The following KIF26B variants were observed in gnomAD, a reference collection of about 807,000 sequenced individuals.
The protein encoded by KIF26B is kinesin family member 26B.
KIF26B carries 63 observed loss-of-function variants against 151.2 expected under a neutral mutation model. That is an observed-to-expected ratio of 0.42 (90% CI 0.34 to 0.51). KIF26B has a LOEUF of 0.51. Among genes scored for constraint, KIF26B ranks in the 20% least tolerant of loss-of-function variants. The pLI, the probability that KIF26B is intolerant of heterozygous loss-of-function variation, is 0.07. For synonymous variants in KIF26B, 1,357 were observed against 1,262.1 expected (o/e 1.08, Z -1.59); for missense variants, 2,813 against 2,913.6 (o/e 0.97, Z 0.79).
intron 5 of KIF26B, among the ~76,000 whole-genome samples, chr1:245,553,207 T>C (rs947320911): frequency 6.6e-6 from 1 of 152,248 alleles, no homozygotes; most frequent in Non-Finnish European, 1.5e-5. Context: ...TGGAGGAAGC[T>C]GGACCGGATC....
chr1:245,580,427 A>G (rs559354134), intron 5 of KIF26B, among the ~76,000 whole-genome samples: 2 of 152,394 alleles, frequency 1.3e-5, no homozygotes, highest in African/African-American at 4.8e-5. Context: ...TTAGAAAAGT[A>G]TGGATGGAGT....
intron 6 of KIF26B, among the ~76,000 whole-genome samples, chr1:245,603,598 G>A (rs1298815956): frequency 6.6e-6 from 1 of 152,166 alleles, no homozygotes; most frequent in Non-Finnish European, 1.5e-5. Context: ...CACTGGTGTA[G>A]AATAGCCTTG....
intron 2 of KIF26B, among the ~76,000 whole-genome samples, chr1:245,349,979 T>A (rs1038938925): frequency 1.1e-4 from 17 of 152,214 alleles, no homozygotes; most frequent in Admixed American, 1.3e-4. Flanking sequence ...GAGCAGTTTT[T>A]AAAATCTTGT....
chr1:245,631,183 G>A (rs1245691266), intron 9 of KIF26B, among the ~76,000 whole-genome samples: 4 of 152,106 alleles, frequency 2.6e-5, no homozygotes, highest in Admixed American at 2.6e-4. Flanking sequence ...TGGTGGAAGT[G>A]GGCATCCTTG....
At chr1:245,290,602 G>T (rs925494641) in intron 2 of KIF26B, among the ~76,000 whole-genome samples, 8 of 152,152 alleles carry the variant, frequency 5.3e-5, no homozygotes, top group African/African-American at 1.9e-4. Flanking sequence ...GGTCACTCTC[G>T]TGGCCATCTT....
At chr1:245,400,800 T>C (rs1460634211) in intron 3 of KIF26B, among the ~76,000 whole-genome samples, 2 of 152,174 alleles carry the variant, frequency 1.3e-5, no homozygotes, top group East Asian at 3.8e-4. Flanking sequence ...AATTTTTTGA[T>C]GTGGCTACTA....
chr1:245,345,750 T>C (rs1672441057), intron 2 of KIF26B, among the ~76,000 whole-genome samples: 1 of 152,032 alleles, frequency 6.6e-6, no homozygotes, highest in African/African-American at 2.4e-5. Context: ...TCTTTCTTGC[T>C]CCTGCTTTCA....
At chr1:245,429,684 G>A (rs1658732996) in intron 4 of KIF26B, among the ~76,000 whole-genome samples, 1 of 152,136 alleles carries the variant, frequency 6.6e-6, no homozygotes, top group African/African-American at 2.4e-5. Context: ...CACAATCTCG[G>A]CTCACTGCAA....
intron 4 of KIF26B, among the ~76,000 whole-genome samples, chr1:245,440,816 C>G (rs1280453939): frequency 1.3e-5 from 2 of 152,224 alleles, no homozygotes; most frequent in East Asian, 3.8e-4. Context: ...GGGCGAGGAT[C>G]TAGAAGCCCC....
At chr1:245,460,141 A>G (rs1659616272) in intron 4 of KIF26B, among the ~76,000 whole-genome samples, 1 of 151,976 alleles carries the variant, frequency 6.6e-6, no homozygotes, top group African/African-American at 2.4e-5. Flanking sequence ...TAATTTTTGT[A>G]TTTTTAATAG....
At chr1:245,533,908 A>T (rs139820478) in intron 4 of KIF26B, among the ~76,000 whole-genome samples, 2 of 152,068 alleles carry the variant, frequency 1.3e-5, no homozygotes, top group Non-Finnish European at 2.9e-5. Flanking sequence ...TCATTTTTTT[A>T]GGTTTGGGTA....
At chr1:245,532,427 G>A (rs1377972998) in intron 4 of KIF26B, among the ~76,000 whole-genome samples, 5 of 151,292 alleles carry the variant, frequency 3.3e-5, no homozygotes, top group Admixed American at 6.6e-5. Context: ...TTGTATTTTT[G>A]GTAGAGACGG....
intron 2 of KIF26B, among the ~76,000 whole-genome samples, chr1:245,159,126 G>A (rs897790606): frequency 2.6e-5 from 4 of 152,126 alleles, no homozygotes; most frequent in East Asian, 1.9e-4. Flanking sequence ...CATGCAGTTC[G>A]CTCAGTTCGC....
chr1:245,701,192 T>A (rs569774666), intron 14 of KIF26B, among the ~76,000 whole-genome samples: 5 of 152,106 alleles, frequency 3.3e-5, no homozygotes, highest in Non-Finnish European at 7.4e-5. Flanking sequence ...GAAAGCTACA[T>A]GAAAGGGGAA....
intron 3 of KIF26B, among the ~76,000 whole-genome samples, chr1:245,391,682 T>G (rs1673705596): frequency 6.6e-6 from 1 of 151,264 alleles, no homozygotes; most frequent in African/African-American, 2.4e-5. Flanking sequence ...AAGAGAGAGA[T>G]TTGTGAAAAT....
At chr1:245,399,543 C>T (rs899188337) in intron 3 of KIF26B, among the ~76,000 whole-genome samples, 1 of 152,184 alleles carries the variant, frequency 6.6e-6, no homozygotes, top group African/African-American at 2.4e-5. Context: ...AAGAAAGGAT[C>T]ATTTTGAGAA....
intron 4 of KIF26B, among the ~76,000 whole-genome samples, chr1:245,506,794 C>T (rs1660735408): frequency 6.6e-6 from 1 of 152,230 alleles, no homozygotes; most frequent in Non-Finnish European, 1.5e-5. Flanking sequence ...AATTCTCCTG[C>T]CTCAGCCTCC....
At chr1:245,276,161 G>A (rs891790604) in intron 2 of KIF26B, among the ~76,000 whole-genome samples, 7 of 152,052 alleles carry the variant, frequency 4.6e-5, no homozygotes, top group Non-Finnish European at 1.0e-4. Flanking sequence ...GGCCAACATG[G>A]GAAAACCTCG....
chr1:245,223,371 C>G (rs576385070), intron 2 of KIF26B, among the ~76,000 whole-genome samples: 2 of 152,278 alleles, frequency 1.3e-5, no homozygotes, highest in South Asian at 2.1e-4. Flanking sequence ...AATGTACATG[C>G]AATGAAATGC....
Sources: allele counts gnomAD v4.1 joint callset (sites outside exome capture counted in the v4.1 genomes callset), GRCh38; gene constraint gnomAD v4.1.1; transcripts MANE v1.5; gene names NCBI Gene and HGNC (gene_info 2026-07-23, HGNC 2026-07-21).